Variants in CNTNAP2 observed in about 807,000 individuals in gnomAD.
CNTNAP2 encodes contactin-associated protein-like 2.
Under a neutral mutation model 155.2 loss-of-function variants are expected in CNTNAP2, and 98 were observed. The ratio of observed to expected loss-of-function variants is 0.63; its 90% CI spans 0.54 to 0.75. The LOEUF is 0.75. CNTNAP2 is among the 30% of genes least tolerant of loss of function. CNTNAP2 has a pLI of 0.00. For synonymous variants in CNTNAP2, 651 were observed against 631.2 expected (o/e 1.03, Z -0.47); for missense variants, 1,727 against 1,688.1 (o/e 1.02, Z -0.40).
intron 3 of CNTNAP2, among the ~76,000 whole-genome samples, chr7:147,043,204 G>A (rs1272146909): frequency 1.3e-5 from 2 of 151,606 alleles, no homozygotes; most frequent in African/African-American, 2.4e-5. Flanking sequence ...GTAAATCCTT[G>A]TTGAATGATC....
At chr7:146,537,452 A>G (rs1797886181) in intron 1 of CNTNAP2, among the ~76,000 whole-genome samples, 1 of 152,108 alleles carries the variant, frequency 6.6e-6, no homozygotes, top group Non-Finnish European at 1.5e-5. Context: ...TTCAATTAAA[A>G]AAAAGTAAAA....
chr7:146,268,036 T>C (rs1463210634), intron 1 of CNTNAP2, among the ~76,000 whole-genome samples: 1 of 152,168 alleles, frequency 6.6e-6, no homozygotes, highest in African/African-American at 2.4e-5. Flanking sequence ...TACATGGACT[T>C]CATAATAATC....
At chr7:148,283,103 G>A (rs1015232741) in intron 21 of CNTNAP2, among the ~76,000 whole-genome samples, 3 of 151,462 alleles carry the variant, frequency 2.0e-5, no homozygotes, top group African/African-American at 7.3e-5. Flanking sequence ...GCCAGGTATG[G>A]TGGCAGGCAC....
chr7:148,101,723 T>C (rs568792833), intron 15 of CNTNAP2, among the ~76,000 whole-genome samples: 50 of 152,134 alleles, frequency 3.3e-4, no homozygotes, highest in South Asian at 2.9e-3. Flanking sequence ...GCTGCTGTGC[T>C]CTGGGTGGCT....
At chr7:147,130,051 G>A (rs1001056973) in intron 7 of CNTNAP2, among the ~76,000 whole-genome samples, 13 of 152,010 alleles carry the variant, frequency 8.6e-5, no homozygotes, top group Admixed American at 7.2e-4. Context: ...AAAACATTGC[G>A]ATTTAACATG....
At chr7:146,301,363 G>T (rs138986943) in intron 1 of CNTNAP2, among the ~76,000 whole-genome samples, 2 of 151,948 alleles carry the variant, frequency 1.3e-5, no homozygotes, top group Non-Finnish European at 2.9e-5. Flanking sequence ...AGTGACTCAC[G>T]CCTGTAATCC....
intron 2 of CNTNAP2, among the ~76,000 whole-genome samples, chr7:146,833,388 C>T (rs1419837114): frequency 1.3e-5 from 2 of 152,146 alleles, no homozygotes; most frequent in Admixed American, 6.5e-5. Flanking sequence ...TTTCTTCTCT[C>T]TTCCTATCTC....
chr7:146,773,529 G>A lies in CNTNAP2; in HGVS notation c.98-742G>A, dbSNP rs1585083722. ...TCCTGCCTCAGCCTCCCGAATACCTGGGATCACAGGCATGCACCACCATGA... is the reference window on the plus strand; with the variant it reads ...TCCTGCCTCAGCCTCCCGAATACCTAGGATCACAGGCATGCACCACCATGA... On this transcript the variant is annotated intron_variant, in intron 1 of 23. Transcript: ENST00000361727. Among the ~76,000 whole-genome samples, 7 of 152,228 alleles carry A rather than the reference G, an allele frequency of 4.6e-5. 1 individual carries two copies. Among genetic ancestry groups the A allele is most frequent in the Admixed American group, 4.6e-4 (7 of 15,296 alleles).
intron 1 of CNTNAP2, among the ~76,000 whole-genome samples, chr7:146,370,260 TAAAAAAAAAAAAAA>T (rs34996621): frequency 0.025 from 2,212 of 87,612 alleles, 37 homozygotes; most frequent in Middle Eastern, 0.057. Flanking sequence ...ATCTCTACTT[TAAAAAAAAAAAAAA>T]AAAAAAAAAA....
At chr7:146,917,457 G>C (rs962570117) in intron 3 of CNTNAP2, among the ~76,000 whole-genome samples, 42 of 152,114 alleles carry the variant, frequency 2.8e-4, no homozygotes, top group Admixed American at 2.8e-3. Flanking sequence ...CTTAGGTCCA[G>C]TAAGTAATTG....
Position 147,290,526 on chromosome 7 carries a change from C to T in CNTNAP2, c.1349-9615C>T, listed in dbSNP as rs193032333. On this transcript the variant is annotated intron_variant, in intron 8 of 23. Coordinates refer to ENST00000361727, the MANE Select transcript of CNTNAP2 (RefSeq NM_014141.6). ...TGAAACCCTGTCTCTACTAAAATTA[C>T]AAAAAAATTAGCCGAGCGTGGTGGC... Among the ~76,000 whole-genome samples the T allele has an allele frequency of 4.4e-3, 665 of 151,636 alleles. 7 individuals are homozygous for T. The highest frequency in any genetic ancestry group is 6.5e-3 in the Non-Finnish European group (444 of 67,832).
intron 13 of CNTNAP2, among the ~76,000 whole-genome samples, chr7:147,870,174 C>G (rs1437747504): frequency 6.6e-6 from 1 of 152,064 alleles, no homozygotes; most frequent in Non-Finnish European, 1.5e-5. Context: ...TGGTATTGAT[C>G]TATGTTGAAA....
At chr7:146,306,080 A>G (rs1800706845) in intron 1 of CNTNAP2, among the ~76,000 whole-genome samples, 1 of 152,300 alleles carries the variant, frequency 6.6e-6, no homozygotes, top group East Asian at 1.9e-4. Flanking sequence ...CACCAATCCC[A>G]CAGAAATACA....
chr7:147,903,561 G>T lies in CNTNAP2; in HGVS notation c.2099-4G>T, dbSNP rs377350003. 1 of 1,614,040 alleles carries T rather than the reference G, an allele frequency of 6.2e-7. No homozygotes were observed. The highest frequency in any genetic ancestry group is 1.3e-5 in the African/African-American group (1 of 74,930). ...TCTAAATATACCTTTGCCTTTTCTTGTAGATGGAAGCCCTTACACTTGGTG... is the reference window on the plus strand; with the variant it reads ...TCTAAATATACCTTTGCCTTTTCTTTTAGATGGAAGCCCTTACACTTGGTG... On this transcript the variant is annotated splice_region_variant and splice_polypyrimidine_tract_variant and intron_variant, in intron 13 of 23. Transcript: ENST00000361727.
chr7:146,503,410 A>G (rs1172547272), intron 1 of CNTNAP2, among the ~76,000 whole-genome samples: 1 of 152,186 alleles, frequency 6.6e-6, no homozygotes, highest in Non-Finnish European at 1.5e-5. Context: ...TTAGCTCATC[A>G]GCTATCTTAA....
intron 8 of CNTNAP2, among the ~76,000 whole-genome samples, chr7:147,185,510 G>T (rs1362783856): frequency 2.6e-5 from 4 of 152,052 alleles, no homozygotes; most frequent in African/African-American, 4.8e-5. Flanking sequence ...GCAGTAGAAT[G>T]CTAAATAAAT....
chr7:148,181,193 C>T (rs887540623), intron 18 of CNTNAP2, among the ~76,000 whole-genome samples: 6 of 152,126 alleles, frequency 3.9e-5, no homozygotes, highest in African/African-American at 7.2e-5. Flanking sequence ...ATGTAGAGGA[C>T]GTATCATGGG....
At chr7:146,351,121 T>C (rs1234409316) in intron 1 of CNTNAP2, among the ~76,000 whole-genome samples, 7 of 151,778 alleles carry the variant, frequency 4.6e-5, no homozygotes, top group Admixed American at 1.3e-4. Flanking sequence ...ATGGCACATA[T>C]ATACATATGT....
intron 12 of CNTNAP2, among the ~76,000 whole-genome samples, chr7:147,570,653 C>G (rs1290611190): frequency 6.6e-6 from 1 of 152,178 alleles, no homozygotes; most frequent in Non-Finnish European, 1.5e-5. Flanking sequence ...CATCCAATAA[C>G]TCATGACGAC....
Sources: gnomAD v4.1 joint callset for allele counts (sites outside exome capture counted in the v4.1 genomes callset) on GRCh38, gnomAD v4.1.1 for gene constraint, MANE v1.5 for transcripts, NCBI Gene and HGNC (gene_info 2026-07-23, HGNC 2026-07-21) for gene names.